Variants in PCDHGB2 observed in about 807,000 individuals in gnomAD.
PCDHGB2 encodes protocadherin gamma subfamily B, 2.
PCDHGB2 carries 55 observed loss-of-function variants against 59.3 expected under a neutral mutation model. The ratio of observed to expected loss-of-function variants is 0.93; its 90% CI spans 0.75 to 1.16. PCDHGB2 has a LOEUF of 1.16. PCDHGB2 is among the 50% of genes most tolerant of loss of function. The pLI is 0.00. For missense variants in PCDHGB2, 1,228 were observed against 1,198.5 expected, an observed-to-expected ratio of 1.02 and a Z score of -0.36; for synonymous variants, 516 against 512.0, an observed-to-expected ratio of 1.01 and a Z score of -0.11.
intron 1 of PCDHGB2, among the ~76,000 whole-genome samples, chr5:141,442,967 G>T (rs553833025): frequency 1.3e-5 from 2 of 152,220 alleles, no homozygotes; most frequent in African/African-American, 2.4e-5. Context: ...AGACATTCTG[G>T]CTGATAAAGT....
chr5:141,486,271 C>T lies in PCDHGB2; in HGVS notation c.2422-8536C>T. 1 of 1,614,086 alleles carries T rather than the reference C, an allele frequency of 6.2e-7. No homozygotes were observed. Among genetic ancestry groups the T allele is most frequent in the Non-Finnish European group, 8.5e-7 (1 of 1,179,994 alleles). ...CCCTCCCCGAGAGTGCAGAACCTGG[C>T]ACTGTGGTGGCACTTATCAGTGTGC... On this transcript the variant is annotated intron_variant, in intron 1 of 3. Coordinates refer to ENST00000522605, the MANE Select transcript of PCDHGB2 (RefSeq NM_018923.3). The surrounding 1 kb of genome is among the most constrained non-coding windows in gnomAD (Gnocchi z 5.0).
At position 141,476,172 on chromosome 5, in the gene PCDHGB2, T is replaced by C; in HGVS notation, c.2422-18635T>C. 6.2e-7 allele frequency: 1 copy of C among 1,612,930 alleles called. No individual in the cohort carries two copies. The highest frequency in any genetic ancestry group is 1.1e-5 in the South Asian group (1 of 91,026). On this transcript the variant is annotated intron_variant, in intron 1 of 3. Coordinates refer to ENST00000522605, the MANE Select transcript of PCDHGB2 (RefSeq NM_018923.3). This position sits in a 1 kb window ranked among gnomAD's most constrained non-coding sequence, Gnocchi z 7.6. ...GTAAGCACCGGGAGGGTAGTGGGAG[T>C]TTTGCTTCTGCTTGGTGCCTTGAAC...
At chr5:141,403,276 C>T (rs1331205396) in intron 1 of PCDHGB2, 3 of 1,613,844 alleles carry the variant, frequency 1.9e-6, no homozygotes, top group Non-Finnish European at 2.5e-6. Context: ...ACTTTAAAGT[C>T]CTGGTTGAAG....
chr5:141,497,100 T>A (rs886445893), intron 2 of PCDHGB2, among the ~76,000 whole-genome samples: 2 of 151,774 alleles, frequency 1.3e-5, no homozygotes, highest in Non-Finnish European at 2.9e-5. Context: ...GAGGCAGAAC[T>A]GCTTGAACCC....
chr5:141,487,671 G>A lies in PCDHGB2; in HGVS notation c.2422-7136G>A. The A allele has an allele frequency of 6.2e-7, 1 of 1,612,012 alleles. No homozygotes were observed. The highest frequency in any genetic ancestry group is 8.5e-7 in the Non-Finnish European group (1 of 1,178,932). ...GAGGGTTATTCTGATCCAGGCATAT[G>A]GCTAGGCCATGTCCTAGAGAGTACT... On this transcript the variant is annotated intron_variant, in intron 1 of 3. Transcript: ENST00000522605. This position sits in a 1 kb window ranked among gnomAD's most constrained non-coding sequence, Gnocchi z 5.0.
intron 1 of PCDHGB2, chr5:141,393,052 G>T (rs771952632): frequency 6.2e-7 from 1 of 1,613,614 alleles, no homozygotes; most frequent in Non-Finnish European, 8.5e-7. Context: ...CTGAACCCGC[G>T]CAGCGGCAGC....
Position 141,431,919 on chromosome 5 carries a change from A to C in PCDHGB2, c.2422-62888A>C, listed in dbSNP as rs2097428718. The C allele has an allele frequency of 7.4e-6, 12 of 1,614,040 alleles. No individual in the cohort carries two copies. Among genetic ancestry groups the C allele is most frequent in the Non-Finnish European group, 1.0e-5 (12 of 1,179,980 alleles). On this transcript the variant is annotated intron_variant, in intron 1 of 3. Transcript: ENST00000522605. This position sits in a 1 kb window ranked among gnomAD's most constrained non-coding sequence, Gnocchi z 4.8. ...AACGGACAGGTGATCTGTTTCATCC[A>C]AGGAAATCTGCCCTTTAAATTAGAA... is the stretch of plus-strand genomic sequence containing the variant.
chr5:141,455,244 T>C (rs977940552), intron 1 of PCDHGB2, among the ~76,000 whole-genome samples: 1 of 152,142 alleles, frequency 6.6e-6, no homozygotes, highest in Admixed American at 6.5e-5. Flanking sequence ...TTAAAGGTCA[T>C]AGTACAATCG....
intron 1 of PCDHGB2, among the ~76,000 whole-genome samples, chr5:141,462,678 T>G (rs923728894): frequency 1.3e-5 from 2 of 152,210 alleles, no homozygotes; most frequent in South Asian, 4.1e-4. Flanking sequence ...TTCTTTAAAT[T>G]TTTGAGCACA....
intron 1 of PCDHGB2, chr5:141,385,132 G>C (rs763210124): frequency 1.2e-6 from 2 of 1,614,094 alleles, no homozygotes; most frequent in African/African-American, 1.3e-5. Flanking sequence ...GGGCATGGAC[G>C]GGGTGCAGGC....
chr5:141,413,372 G>T lies in PCDHGB2; in HGVS notation c.2421+50816G>T, dbSNP rs760934804. ...CTGGCGCCCCGGGAGCTGGCGGAGCGCGGAGTCCGCATAGTCTCCAGAGGT... is the reference window on the plus strand; with the variant it reads ...CTGGCGCCCCGGGAGCTGGCGGAGCTCGGAGTCCGCATAGTCTCCAGAGGT... On this transcript the variant is annotated intron_variant, in intron 1 of 3. Transcript: ENST00000522605. The T allele has an allele frequency of 1.9e-6, 3 of 1,613,950 alleles. No individual in the cohort carries two copies. The South Asian group carries it at 3.3e-5, about 18-fold the overall frequency.
chr5:141,410,682 C>T (rs1589771736), intron 1 of PCDHGB2: 2 of 1,531,954 alleles, frequency 1.3e-6, no homozygotes, highest in South Asian at 1.2e-5. Context: ...ATATTTTAGG[C>T]ATACTACTTT....
Position 141,399,737 on chromosome 5 carries a change from C to T in PCDHGB2, c.2421+37181C>T, listed in dbSNP as rs888467903. The T allele has an allele frequency of 2.5e-6, 4 of 1,613,296 alleles. No homozygotes were observed. In the South Asian group the frequency reaches 3.3e-5, roughly 13 times the overall value. On this transcript the variant is annotated intron_variant, in intron 1 of 3. Coordinates refer to ENST00000522605, the MANE Select transcript of PCDHGB2 (RefSeq NM_018923.3). Reference sequence around the variant, plus strand: ...CAGGCCCGCGACCAGGGCTCGCCTGCGCTCAGCGCAAACGTGAGCCTGCGC... The same window carrying T: ...CAGGCCCGCGACCAGGGCTCGCCTGTGCTCAGCGCAAACGTGAGCCTGCGC...
At chr5:141,400,235 T>TGATTCTGGCCGTTGCC in intron 1 of PCDHGB2, 1 of 1,614,006 alleles carries the variant, frequency 6.2e-7, no homozygotes, top group East Asian at 2.2e-5. Flanking sequence ...CTCCTGGCCG[T>TGATTCTGGCCGTTGCC]GATTCTGGCC....
rs549647263 is a variant in PCDHGB2 at position 141,364,755 on chromosome 5, T to C, written c.2421+2199T>C. Reference sequence around the variant, plus strand: ...CGGGATGAAGAGTTAAAAGTAAAAGTTAATGAAAATGCGGCTGCAGGGACA... The same window carrying C: ...CGGGATGAAGAGTTAAAAGTAAAAGCTAATGAAAATGCGGCTGCAGGGACA... On this transcript the variant is annotated intron_variant, in intron 1 of 3. Coordinates refer to ENST00000522605, the MANE Select transcript of PCDHGB2 (RefSeq NM_018923.3). The C allele has an allele frequency of 1.7e-5, 27 of 1,613,958 alleles. No homozygotes were observed. The East Asian group carries it at 6.0e-4, about 36-fold the overall frequency.
intron 1 of PCDHGB2, chr5:141,374,617 C>T: frequency 1.2e-6 from 2 of 1,613,518 alleles, no homozygotes; most frequent in South Asian, 1.1e-5. Flanking sequence ...ATAGTCACTT[C>T]TCAGTGGACG....
In PCDHGB2 at chr5:141,374,191, C is replaced by T. The variant is rs780279453; in HGVS notation, c.2421+11635C>T. 3.7e-6 allele frequency: 6 copies of T among 1,613,664 alleles called. No individual in the cohort carries two copies. In the East Asian group the frequency reaches 1.1e-4, roughly 30 times the overall value. Reference sequence around the variant, plus strand: ...CAGCGCAGATCCGCTACTCTATTCCCGAGGAGCTGGAGAAAGGCTCCTTCG... The same window carrying T: ...CAGCGCAGATCCGCTACTCTATTCCTGAGGAGCTGGAGAAAGGCTCCTTCG... On this transcript the variant is annotated intron_variant, in intron 1 of 3. Transcript: ENST00000522605.
rs1372113910 is a variant in PCDHGB2, at chr5:141,384,481, C to T, written c.2421+21925C>T. On this transcript the variant is annotated intron_variant, in intron 1 of 3. Coordinates refer to ENST00000522605, the MANE Select transcript of PCDHGB2 (RefSeq NM_018923.3). ...CTTTGATTATGAGCAGTTGAGAGAA[C>T]TACAACTAAGAGTGACTGCACATGA... 1.9e-6 allele frequency: 3 copies of T among 1,614,022 alleles called. No homozygotes were observed. The Admixed American group carries it at 5.0e-5, about 27-fold the overall frequency.
chr5:141,387,563 A>C (rs1589038442), intron 1 of PCDHGB2: 1 of 438,342 alleles, frequency 2.3e-6, no homozygotes, highest in East Asian at 3.7e-5. Context: ...TTAGGCACAC[A>C]ATTATAATTA....
Sources: gnomAD v4.1 joint callset for allele counts (sites outside exome capture counted in the v4.1 genomes callset) on GRCh38, gnomAD v4.1.1 for gene constraint, Gnocchi (gnomAD v3.1) non-coding constraint, MANE v1.5 for transcripts, NCBI Gene and HGNC (gene_info 2026-07-23, HGNC 2026-07-21) for gene names.